Variants in GIGYF2 observed in about 807,000 individuals in gnomAD.
GIGYF2 encodes the protein GRB10 interacting GYF protein 2, also known as GRB10-interacting GYF protein 2.
GIGYF2 carries 25 observed loss-of-function variants against 208.1 expected under a neutral mutation model. That is an observed-to-expected ratio of 0.12 (90% CI 0.09 to 0.17). The LOEUF (loss-of-function observed/expected upper bound fraction) is 0.17. GIGYF2 is among the 10% of genes least tolerant of loss of function. The probability of loss-of-function intolerance (pLI) is 1.00; values close to 1 mark genes in which losing one functional copy is unlikely to be tolerated. For missense variants in GIGYF2, 1,302 were observed against 1,579.4 expected (o/e 0.82, Z 2.98); for synonymous variants, 534 against 543.8 (o/e 0.98, Z 0.25).
chr2:232,751,927 T>C (rs1698348632), intron 5 of GIGYF2, among the ~76,000 whole-genome samples: 3 of 152,234 alleles, frequency 2.0e-5, no homozygotes, highest in Admixed American at 2.0e-4. Context: ...AGGTATGCAC[T>C]ACACCTATAC....
intron 6 of GIGYF2, among the ~76,000 whole-genome samples, chr2:232,759,386 C>T (rs1698662957): frequency 6.6e-6 from 1 of 151,796 alleles, no homozygotes; most frequent in Non-Finnish European, 1.5e-5. Flanking sequence ...ATTTTCTCAC[C>T]TGTGTATTGA....
At chr2:232,750,336 A>G (rs192607653) in intron 5 of GIGYF2, among the ~76,000 whole-genome samples, 85 of 152,318 alleles carry the variant, frequency 5.6e-4, no homozygotes, top group Non-Finnish European at 7.1e-4. Context: ...GTAAAAACTG[A>G]GCCCTAGGAA....
intron 15 of GIGYF2, among the ~76,000 whole-genome samples, chr2:232,808,815 A>G (rs1700636567): frequency 6.6e-6 from 1 of 152,154 alleles, no homozygotes; most frequent in Admixed American, 6.5e-5. Context: ...AAGCTAAAAA[A>G]TTGGTTTTAT....
intron 21 of GIGYF2, among the ~76,000 whole-genome samples, chr2:232,823,452 A>G (rs1471855473): frequency 6.7e-6 from 1 of 149,540 alleles, no homozygotes; most frequent in Non-Finnish European, 1.5e-5. Flanking sequence ...TACCATGCTC[A>G]GTCAAGCCTC....
At chr2:232,747,056 G>A (rs1439502247) in intron 3 of GIGYF2, among the ~76,000 whole-genome samples, 1 of 151,880 alleles carries the variant, frequency 6.6e-6, no homozygotes, top group Admixed American at 6.6e-5. Context: ...ATTACTATAG[G>A]CTGTGTTTTG....
chr2:232,730,637 G>A (rs1290992583), intron 2 of GIGYF2, among the ~76,000 whole-genome samples: 4 of 142,320 alleles, frequency 2.8e-5, no homozygotes, highest in Non-Finnish European at 6.0e-5. Flanking sequence ...GGTGGCTCAC[G>A]CCTGTAATCC....
At chr2:232,811,408 AAG>A in intron 17 of GIGYF2, 57 bp downstream of exon 17, 2 of 1,019,654 alleles carry the variant, frequency 2.0e-6, no homozygotes, top group Non-Finnish European at 3.1e-6. Flanking sequence ...AAAGAAAGAG[AAG>A]AAAGGAGAAA....
intron 8 of GIGYF2, among the ~76,000 whole-genome samples, chr2:232,783,880 G>C (rs1414121263): frequency 6.6e-6 from 1 of 152,044 alleles, no homozygotes; most frequent in African/African-American, 2.4e-5. Context: ...TAGAGACGGG[G>C]TTTCTCCATG....
rs141349136 is a variant in GIGYF2, at chr2:232,789,883, A to G, written c.713-815A>G. Among the ~76,000 whole-genome samples the G allele has an allele frequency of 2.5e-3, 375 of 152,138 alleles. 3 individuals carry two copies. Among genetic ancestry groups the G allele is most frequent in the African/African-American group, 8.5e-3 (353 of 41,504 alleles). On this transcript the variant is annotated intron_variant, in intron 9 of 28. Coordinates refer to ENST00000373563, the MANE Select transcript of GIGYF2 (RefSeq NM_001103146.3). ...AAGTAGGATCTCTTATTATTAGGCA[A>G]TCTTTTCTTCTGTTGGGAAATGTAG... is the stretch of plus-strand genomic sequence containing the variant.
At chr2:232,746,750 C>G (rs1698165769) in intron 3 of GIGYF2, among the ~76,000 whole-genome samples, 1 of 152,088 alleles carries the variant, frequency 6.6e-6, no homozygotes, top group African/African-American at 2.4e-5. Context: ...ACTGCATTTT[C>G]AGATTCTCTA....
At chr2:232,853,639 T>C (rs186261101) in intron 28 of GIGYF2, among the ~76,000 whole-genome samples, 3 of 152,324 alleles carry the variant, frequency 2.0e-5, no homozygotes, top group Admixed American at 2.0e-4. Context: ...TCAGATGTGA[T>C]AAACACACAA....
In GIGYF2 at chr2:232,856,784, T is replaced by C; in HGVS notation, c.3833-9T>C. 1 of 1,609,364 alleles carries C rather than the reference T, an allele frequency of 6.2e-7. No homozygotes were observed. Among genetic ancestry groups the C allele is most frequent in the Non-Finnish European group, 8.5e-7 (1 of 1,175,636 alleles). Reference sequence around the variant, plus strand: ...GTGTGGTCACTCATAGCCAGTTTTTTTTCTGCAGGATTTTCAGTCAATGCA... The same window carrying C: ...GTGTGGTCACTCATAGCCAGTTTTTCTTCTGCAGGATTTTCAGTCAATGCA... On this transcript the variant is annotated splice_polypyrimidine_tract_variant and intron_variant, in intron 28 of 28. Coordinates refer to ENST00000373563, the MANE Select transcript of GIGYF2 (RefSeq NM_001103146.3).
At chr2:232,737,393 G>A (rs1279711616) in intron 3 of GIGYF2, among the ~76,000 whole-genome samples, 2 of 152,146 alleles carry the variant, frequency 1.3e-5, no homozygotes, top group Admixed American at 1.3e-4. Flanking sequence ...TCACCTAATT[G>A]TACATCTGTA....
intron 8 of GIGYF2, chr2:232,776,385 T>C (rs1436357554): frequency 7.4e-6 from 10 of 1,354,554 alleles, no homozygotes; most frequent in Non-Finnish European, 1.0e-5. Context: ...TATTTGCCAG[T>C]CAGTTTCTTT....
chr2:232,807,307 T>C (rs1285457989), intron 15 of GIGYF2, among the ~76,000 whole-genome samples: 1 of 152,098 alleles, frequency 6.6e-6, no homozygotes, highest in African/African-American at 2.4e-5. Flanking sequence ...AGTTAGAGGA[T>C]TGCTTGAGCC....
chr2:232,736,041 TG>T (rs1370441334), intron 3 of GIGYF2: 21 of 977,052 alleles, frequency 2.1e-5, no homozygotes, highest in Non-Finnish European at 2.4e-5. Flanking sequence ...GCAGACTTCC[TG>T]TAGTAACTCT....
chr2:232,848,222 A>G lies in GIGYF2; in HGVS notation c.3684+651A>G, dbSNP rs1243387403. On this transcript the variant is annotated intron_variant, in intron 27 of 28. Transcript: ENST00000373563. Reference sequence around the variant, plus strand: ...TTCATTAACATTGAACTCACAACTAATAGCACTACTATTCGTGCCCAAATG... The same window carrying G: ...TTCATTAACATTGAACTCACAACTAGTAGCACTACTATTCGTGCCCAAATG... Among the ~76,000 whole-genome samples the G allele has an allele frequency of 2.6e-5, 4 of 152,220 alleles. No individual in the cohort carries two copies. In the East Asian group the frequency reaches 7.7e-4, roughly 29 times the overall value.
chr2:232,712,586 G>A (rs1028792222), intron 2 of GIGYF2, among the ~76,000 whole-genome samples: 1 of 152,200 alleles, frequency 6.6e-6, no homozygotes, highest in African/African-American at 2.4e-5. Context: ...GTCTGTGCAA[G>A]TGTCAACACA....
chr2:232,818,405 TAGAC>T (rs537565387), intron 20 of GIGYF2, among the ~76,000 whole-genome samples: 18 of 152,210 alleles, frequency 1.2e-4, no homozygotes, highest in Non-Finnish European at 2.4e-4. Flanking sequence ...TGAAGAAATT[TAGAC>T]AGAAATCACC....
Sources: gnomAD v4.1 joint callset for allele counts (sites outside exome capture counted in the v4.1 genomes callset) on GRCh38, gnomAD v4.1.1 for gene constraint, MANE v1.5 for transcripts, NCBI Gene and HGNC (gene_info 2026-07-23, HGNC 2026-07-21) for gene names.